GAB2: variants seen among roughly 807,000 people sequenced by gnomAD.
GAB2 encodes GRB2-associated-binding protein 2.
A neutral mutation model predicts 65.5 loss-of-function variants in GAB2; 26 were observed. The observed-to-expected ratio is 0.40, with a 90% CI of 0.29 to 0.55. The LOEUF (loss-of-function observed/expected upper bound fraction) is 0.55. GAB2 is among the 20% of genes least tolerant of loss of function. The pLI is 0.53. For missense variants in GAB2, 884 were observed against 875.8 expected, an observed-to-expected ratio of 1.01 and a Z score of -0.12; for synonymous variants, 321 against 329.6, an observed-to-expected ratio of 0.97 and a Z score of 0.28.
In GAB2 at chr11:78,370,032, C is replaced by T. The variant is rs552308892; in HGVS notation, c.75+47614G>A. The stretch of plus-strand genomic sequence containing the variant: ...CAGCACTTTGGGAGGCCGAGGCGGG[C>T]GGATCACGAGGTCAGGAGATCGAGA... On this transcript the variant is annotated intron_variant, in intron 1 of 9. Transcript: ENST00000361507. Among the ~76,000 whole-genome samples the T allele has an allele frequency of 9.5e-4, 145 of 151,842 alleles. 1 individual carries two copies. The highest frequency in any genetic ancestry group is 6.8e-3 in the Middle Eastern group (2 of 294).
intron 1 of GAB2, among the ~76,000 whole-genome samples, chr11:78,389,835 C>G (rs963959394): frequency 2.0e-5 from 3 of 152,202 alleles, no homozygotes; most frequent in African/African-American, 7.2e-5. Flanking sequence ...CCAATATCAT[C>G]AGTTTACTAT....
chr11:78,225,207 C>G lies in GAB2; in HGVS notation c.1208-5G>C. Reference sequence around the variant, plus strand: ...CGTAGGTCTCACAGGAAGAAGCTGACAGAGGAAGGAGGATTCATAAGTACT... The same window carrying G: ...CGTAGGTCTCACAGGAAGAAGCTGAGAGAGGAAGGAGGATTCATAAGTACT... On this transcript the variant is annotated splice_region_variant and splice_polypyrimidine_tract_variant and intron_variant, in intron 4 of 9. Coordinates refer to ENST00000361507, the MANE Select transcript of GAB2 (RefSeq NM_080491.3). 1 of 1,591,366 alleles carries G rather than the reference C, an allele frequency of 6.3e-7. No individual in the cohort carries two copies. Among genetic ancestry groups the G allele is most frequent in the Non-Finnish European group, 8.6e-7 (1 of 1,159,310 alleles).
At chr11:78,373,791 A>G (rs567591101) in intron 1 of GAB2, among the ~76,000 whole-genome samples, 5 of 152,322 alleles carry the variant, frequency 3.3e-5, no homozygotes, top group African/African-American at 1.2e-4. Flanking sequence ...AGATGATCAC[A>G]CAAACCCCTC....
intron 2 of GAB2, among the ~76,000 whole-genome samples, chr11:78,269,714 G>A (rs1865962985): frequency 6.6e-6 from 1 of 152,138 alleles, no homozygotes; most frequent in African/African-American, 2.4e-5. Context: ...ATTACTAGAA[G>A]TTTAAGTATT....
At chr11:78,407,748 A>AAAAGAAAG (rs765082283) in intron 1 of GAB2, among the ~76,000 whole-genome samples, 2 of 129,790 alleles carry the variant, frequency 1.5e-5, no homozygotes, top group African/African-American at 5.3e-5. Context: ...GAAAGAAAGA[A>AAAAGAAAG]AAAGAAAGAA....
At chr11:78,404,386 T>A (rs575984745) in intron 1 of GAB2, among the ~76,000 whole-genome samples, 1 of 151,800 alleles carries the variant, frequency 6.6e-6, no homozygotes, top group African/African-American at 2.4e-5. Flanking sequence ...CTGCAAAAAA[T>A]AAAACAAAAA....
intron 1 of GAB2, among the ~76,000 whole-genome samples, chr11:78,416,287 T>C (rs966666860): frequency 1.3e-5 from 2 of 152,222 alleles, no homozygotes; most frequent in Non-Finnish European, 2.9e-5. Flanking sequence ...TAGATTTTTT[T>C]CCCCCAGCAA....
At chr11:78,302,604 T>C (rs1343732252) in intron 1 of GAB2, among the ~76,000 whole-genome samples, 2 of 151,954 alleles carry the variant, frequency 1.3e-5, no homozygotes, top group African/African-American at 4.8e-5. Flanking sequence ...ACAACCACTA[T>C]GGAAAACAGT....
At chr11:78,382,342 G>GCC (rs200739407) in intron 1 of GAB2, among the ~76,000 whole-genome samples, 12 of 151,376 alleles carry the variant, frequency 7.9e-5, no homozygotes, top group African/African-American at 2.7e-4. Flanking sequence ...CAATTCCTTG[G>GCC]CCCCCCCTTC....
At chr11:78,251,794 T>G (rs1270421655) in intron 2 of GAB2, among the ~76,000 whole-genome samples, 1 of 152,234 alleles carries the variant, frequency 6.6e-6, no homozygotes, top group Non-Finnish European at 1.5e-5. Flanking sequence ...ATTATATCCA[T>G]GGTCACTATG....
chr11:78,317,558 C>CAAAAA (rs370515492), intron 1 of GAB2, among the ~76,000 whole-genome samples: 1,575 of 60,706 alleles, frequency 0.026, 119 homozygotes, highest in African/African-American at 0.072. Flanking sequence ...GACTCCGTCT[C>CAAAAA]AAAAAAAAAA....
chr11:78,299,856 G>C (rs988548529), intron 1 of GAB2, among the ~76,000 whole-genome samples: 1 of 152,186 alleles, frequency 6.6e-6, no homozygotes, highest in Non-Finnish European at 1.5e-5. Context: ...CTATTGGAAA[G>C]GCTTTTGTTT....
intron 1 of GAB2, among the ~76,000 whole-genome samples, chr11:78,382,076 A>G (rs963950320): frequency 5.7e-4 from 87 of 152,166 alleles, no homozygotes; most frequent in African/African-American, 2.1e-3. Context: ...CTCTTCTTCT[A>G]GTCCAAGTTT....
chr11:78,369,527 C>T (rs538158694), intron 1 of GAB2, among the ~76,000 whole-genome samples: 28 of 152,280 alleles, frequency 1.8e-4, no homozygotes, highest in Admixed American at 6.5e-4. Context: ...TTAGAAGAGT[C>T]GCCTAAGGGC....
chr11:78,383,167 G>A (rs1325529731), intron 1 of GAB2, among the ~76,000 whole-genome samples: 1 of 152,180 alleles, frequency 6.6e-6, no homozygotes, highest in African/African-American at 2.4e-5. Flanking sequence ...AGCTACTTGG[G>A]AGGCTGAGGC....
At chr11:78,372,759 A>G (rs1840159737) in intron 1 of GAB2, among the ~76,000 whole-genome samples, 1 of 152,196 alleles carries the variant, frequency 6.6e-6, no homozygotes, top group African/African-American at 2.4e-5. Flanking sequence ...CACACTTTTT[A>G]TCTCTTAATC....
At chr11:78,363,478 C>G (rs1239604771) in intron 1 of GAB2, among the ~76,000 whole-genome samples, 1 of 152,122 alleles carries the variant, frequency 6.6e-6, no homozygotes, top group African/African-American at 2.4e-5. Flanking sequence ...TATGAAGCAC[C>G]TATTACATAC....
intron 1 of GAB2, among the ~76,000 whole-genome samples, chr11:78,328,502 C>A (rs114910222): frequency 1.3e-5 from 2 of 152,074 alleles, no homozygotes; most frequent in African/African-American, 4.8e-5. Context: ...CTCATAATAG[C>A]CAAAAGCTGG....
intron 2 of GAB2, among the ~76,000 whole-genome samples, chr11:78,277,478 G>A (rs1047352163): frequency 5.9e-5 from 9 of 152,206 alleles, no homozygotes; most frequent in African/African-American, 1.9e-4. Context: ...CCAATCGATA[G>A]AAAACACCTG....
Sources: allele counts gnomAD v4.1 joint callset (sites outside exome capture counted in the v4.1 genomes callset), GRCh38; gene constraint gnomAD v4.1.1; transcripts MANE v1.5; gene names NCBI Gene and HGNC (gene_info 2026-07-23, HGNC 2026-07-21).